Variants in BNIP1 observed in about 807,000 individuals in gnomAD.
The protein encoded by BNIP1 is vesicle transport protein SEC20.
Under a neutral mutation model 28.5 loss-of-function variants are expected in BNIP1, and 25 were observed. The observed-to-expected ratio is 0.88, with a 90% CI of 0.64 to 1.23. The LOEUF (loss-of-function observed/expected upper bound fraction) is 1.23. Ranked by LOEUF, BNIP1 falls within the 50% of genes most tolerant of loss-of-function variation. BNIP1 has a pLI of 0.00. For synonymous variants in BNIP1, 118 were observed against 101.7 expected (o/e 1.16, Z -0.96); for missense variants, 276 against 277.0 (o/e 1.00, Z 0.02).
chr5:173,160,309 A>G (rs972584303), intron 5 of BNIP1, among the ~76,000 whole-genome samples: 1 of 150,638 alleles, frequency 6.6e-6, no homozygotes, highest in African/African-American at 2.4e-5. Context: ...ATCTCAGCTC[A>G]CCGCAACCTC....
intron 3 of BNIP1, among the ~76,000 whole-genome samples, chr5:173,155,206 G>A (rs1476354656): frequency 6.6e-6 from 1 of 152,218 alleles, no homozygotes; most frequent in African/African-American, 2.4e-5. Context: ...GTAATTGCAG[G>A]TGTGTGCTAA....
At chr5:173,148,132 AT>A (rs1759917614) in intron 2 of BNIP1, among the ~76,000 whole-genome samples, 1 of 101,020 alleles carries the variant, frequency 9.9e-6, no homozygotes, top group African/African-American at 4.0e-5. Context: ...ATATATATAT[AT>A]ATATTTTAAT....
At position 173,163,986 on chromosome 5, in the gene BNIP1, C is replaced by G; in HGVS notation, c.*65C>G. The G allele has an allele frequency of 6.9e-7, 1 of 1,451,190 alleles. No individual in the cohort carries two copies. Among genetic ancestry groups the G allele is most frequent in the Non-Finnish European group, 9.2e-7 (1 of 1,083,274 alleles). The allele number at this position is 1,451,190 out of a possible 1,614,324, so 89.9% of individuals were successfully genotyped here. A position where few individuals can be genotyped will look rare whatever the true frequency, so the allele number is the denominator to read the frequency against. On this transcript the variant is annotated 3_prime_UTR_variant, in exon 6 of 6. Coordinates refer to ENST00000351486, the MANE Select transcript of BNIP1 (RefSeq NM_001205.3). ...TTCAGGATCTGTCCTGGTTCCTGAGCTCTAGGCTGCTAAGCTGAGCCACAC... is the reference window on the plus strand; with the variant it reads ...TTCAGGATCTGTCCTGGTTCCTGAGGTCTAGGCTGCTAAGCTGAGCCACAC...
rs569930920 is a variant in BNIP1 at position 173,151,583 on chromosome 5, G to A, written c.178-2739G>A. The A allele has an allele frequency of 1.6e-5, 25 of 1,611,228 alleles. No individual in the cohort carries two copies. The South Asian group carries it at 2.2e-4, about 14-fold the overall frequency. ...TTTTTTAGCCAGTTCTCTATCAAAG[G>A]GCATTTATTTGGACTGCTTCCACAT... On this transcript the variant is annotated intron_variant, in intron 2 of 5. Transcript: ENST00000351486.
chr5:173,159,881 C>T, intron 4 of BNIP1, 52 bp from the exon 5 acceptor site: 2 of 1,491,710 alleles, frequency 1.3e-6, no homozygotes, highest in Non-Finnish European at 1.9e-6. Context: ...GGCCTTCTTG[C>T]AGGGAGGCTT....
intron 1 of BNIP1, chr5:173,144,836 C>T (rs755624926): frequency 2.5e-5 from 14 of 560,958 alleles, no homozygotes; most frequent in Non-Finnish European, 3.8e-5. Context: ...GCCGCCGGAT[C>T]TCCCATCCCC....
Position 173,146,868 on chromosome 5 carries a change from T to C in BNIP1, c.87T>C (p.Asp29=). ...FDLEVKALIQ[D]IRDCSGPLSA... is the part of the protein sequence containing the mutation. ...TTCATCTGTTCAATGTCTCCTAGGA[T>C]ATCCGTGATTGTTCAGGACCCTTAA... The change falls in exon 2 of 6, where the codon GAT becomes GAC. Residue 29 remains aspartate, a splice_region_variant and synonymous_variant. Coordinates refer to ENST00000351486, the MANE Select transcript of BNIP1 (RefSeq NM_001205.3). The C allele has an allele frequency of 1.2e-6, 2 of 1,611,812 alleles. No homozygotes were observed. The highest frequency in any genetic ancestry group is 1.7e-5 in the Admixed American group (1 of 60,014).
intron 2 of BNIP1, among the ~76,000 whole-genome samples, chr5:173,153,846 C>T (rs1760100536): frequency 1.3e-5 from 2 of 152,172 alleles, no homozygotes; most frequent in African/African-American, 2.4e-5. Context: ...TTTTCTGTCC[C>T]TGCACGAGCT....
intron 3 of BNIP1, among the ~76,000 whole-genome samples, chr5:173,157,666 C>T (rs748208940): frequency 9.9e-5 from 15 of 152,214 alleles, no homozygotes; most frequent in Middle Eastern, 3.4e-3. Flanking sequence ...CCACCCGCCT[C>T]GGCCTCTCAA....
chr5:173,159,230 G>C (rs1760292684), intron 4 of BNIP1, among the ~76,000 whole-genome samples: 1 of 151,938 alleles, frequency 6.6e-6, no homozygotes, highest in Admixed American at 6.6e-5. Context: ...GTAGAGACGG[G>C]GTTTAACCAC....
chr5:173,144,583 A>C lies in BNIP1; in HGVS notation c.38A>C (p.Asn13Thr). 6.2e-7 allele frequency: 1 copy of C among 1,614,160 alleles called. No homozygotes were observed. Among genetic ancestry groups the C allele is most frequent in the African/African-American group, 1.3e-5 (1 of 75,046 alleles). ...CAAGACGTCCACGTCCGGATCTGTA[A>C]CCAAGAGATTGTCAAATTTGACCTG... ...APQDVHVRIC[N>T]QEIVKFDLEV... Residue 13 changes from asparagine to threonine, a missense_variant, in exon 1 of 6, where the codon AAC becomes ACC. By Grantham distance (65) the Asn-to-Thr change is moderately conservative. Coordinates refer to ENST00000351486, the MANE Select transcript of BNIP1 (RefSeq NM_001205.3).
chr5:173,151,372 C>A (rs1000547228), intron 2 of BNIP1, among the ~76,000 whole-genome samples: 1 of 152,060 alleles, frequency 6.6e-6, no homozygotes, highest in Non-Finnish European at 1.5e-5. Flanking sequence ...CAGGCGTGCG[C>A]CACCACACCC....
Position 173,162,148 on chromosome 5 carries a change from A to G in BNIP1, c.491-1577A>G, listed in dbSNP as rs1760380159. On this transcript the variant is annotated intron_variant, in intron 5 of 5. Coordinates refer to ENST00000351486, the MANE Select transcript of BNIP1 (RefSeq NM_001205.3). ...CATAGAAACGCAACAGCAGCCACGT[A>G]TGTAACTTTAAATTTTCCAGTAGGC... 2.0e-5 allele frequency among the ~76,000 whole-genome samples: 3 copies of G among 152,238 alleles called. No individual in the cohort carries two copies. In the South Asian group the frequency reaches 6.2e-4, roughly 32 times the overall value.
intron 3 of BNIP1, 106 bp from the exon 4 acceptor site, chr5:173,158,638 T>A: frequency 1.2e-6 from 1 of 800,670 alleles, no homozygotes. Context: ...AGGCCGTGCC[T>A]GGTGGCCTTC....
At chr5:173,161,082 G>A (rs931775119) in intron 5 of BNIP1, 2 of 300,074 alleles carry the variant, frequency 6.7e-6, no homozygotes, top group South Asian at 3.1e-5. Flanking sequence ...AGCCAGTCTC[G>A]TTTCAGTTCT....
chr5:173,144,868 C>T, intron 1 of BNIP1: 1 of 485,710 alleles, frequency 2.1e-6, no homozygotes, highest in Non-Finnish European at 3.7e-6. Context: ...CTGTTCTCCG[C>T]CCCTGACTCA....
Position 173,158,824 on chromosome 5 carries a change from G to C in BNIP1, c.350G>C (p.Gly117Ala), listed in dbSNP as rs753077990. 1.2e-5 allele frequency: 19 copies of C among 1,613,786 alleles called. No individual in the cohort carries two copies. In the Middle Eastern group the frequency reaches 6.6e-4, roughly 56 times the overall value. ...DNLEKAELLQ[G>A]GDLLRQRKTT... is the part of the protein sequence containing the mutation. ...CTAGAGAAAGCAGAACTTCTTCAGG[G>C]AGGAGATCTCTTAAGGCAAAGGTAC... is the stretch of plus-strand genomic sequence containing the variant. Residue 117 changes from glycine (G) to alanine (A), a missense_variant, in exon 4 of 6, where the codon GGA (glycine) becomes GCA (alanine). Gly to Ala is a moderately conservative substitution (Grantham distance 60). Coordinates refer to ENST00000351486, the MANE Select transcript of BNIP1 (RefSeq NM_001205.3).
At chr5:173,160,233 A>G (rs1323365365) in intron 5 of BNIP1, among the ~76,000 whole-genome samples, 182 bp downstream of exon 5, 1 of 127,644 alleles carries the variant, frequency 7.8e-6, no homozygotes, top group Non-Finnish European at 1.8e-5. Flanking sequence ...TGCTGCTCCT[A>G]TTTCTCTTTT....
rs1283003588 is a variant in BNIP1 at position 173,144,592 on chromosome 5, T to C, written c.47T>C (p.Ile16Thr). 6 of 1,614,140 alleles carry C rather than the reference T, an allele frequency of 3.7e-6. No individual in the cohort carries two copies. Among genetic ancestry groups the C allele is most frequent in the East Asian group, 2.2e-5 (1 of 44,882 alleles). Residue 16 changes from isoleucine to threonine, a missense_variant, in exon 1 of 6, where the codon ATT (isoleucine) becomes ACT (threonine). Coordinates refer to ENST00000351486, the MANE Select transcript of BNIP1 (RefSeq NM_001205.3). ...DVHVRICNQE[I>T]VKFDLEVKAL... is the part of the protein sequence containing the mutation. ...CACGTCCGGATCTGTAACCAAGAGA[T>C]TGTCAAATTTGACCTGGAGGTGAAG...
Sources: allele counts gnomAD v4.1 joint callset (sites outside exome capture counted in the v4.1 genomes callset), GRCh38; gene constraint gnomAD v4.1.1; transcripts MANE v1.5; gene names NCBI Gene and HGNC (gene_info 2026-07-23, HGNC 2026-07-21).